Variants in MTUS1 observed in about 807,000 individuals in gnomAD.
The protein encoded by MTUS1 is microtubule associated scaffold protein 1, also known as microtubule-associated tumor suppressor 1.
In MTUS1, 109 loss-of-function variants were observed where a neutral mutation model predicts 120.8. That is an observed-to-expected ratio of 0.90 (90% CI 0.77 to 1.06). The LOEUF (loss-of-function observed/expected upper bound fraction) is 1.06, where lower values mean the gene tolerates loss of function less well. MTUS1 is among the 50% of genes least tolerant of loss of function. The probability of loss-of-function intolerance (pLI) is 0.00; values close to 1 mark genes in which losing one functional copy is unlikely to be tolerated. For synonymous variants in MTUS1, 737 were observed against 550.5 expected (o/e 1.34, Z -4.74); for missense variants, 2,210 against 1,486.3 (o/e 1.49, Z -8.01).
intron 6 of MTUS1, among the ~76,000 whole-genome samples, chr8:17,686,931 TTTAAC>T (rs527916547): frequency 1.5e-4 from 23 of 152,312 alleles, no homozygotes; most frequent in African/African-American, 5.5e-4. Context: ...TAAAATCACT[TTTAAC>T]AGACAGTTAA....
chr8:17,698,497 T>A (rs28701151), intron 6 of MTUS1, among the ~76,000 whole-genome samples: 4 of 152,214 alleles, frequency 2.6e-5, no homozygotes, highest in South Asian at 2.1e-4. Context: ...TTAACATTTT[T>A]AAAAATGTTA....
At chr8:17,716,541 T>C in intron 4 of MTUS1, 1 of 157,306 alleles carries the variant, frequency 6.4e-6, no homozygotes, top group East Asian at 1.8e-4. Flanking sequence ...AGACTGGATT[T>C]TCTACTGTTT....
intron 3 of MTUS1, among the ~76,000 whole-genome samples, chr8:17,731,286 G>A (rs1289004269): frequency 1.3e-5 from 2 of 152,114 alleles, no homozygotes; most frequent in African/African-American, 2.4e-5. Flanking sequence ...CAAACCCGGC[G>A]CCACCTCACA....
At position 17,665,263 on chromosome 8, in the gene MTUS1, C is replaced by G. The variant is rs1472993193; in HGVS notation, c.2906-9198G>C. On this transcript the variant is annotated intron_variant, in intron 8 of 14. Coordinates refer to ENST00000693296, the MANE Select transcript of MTUS1 (RefSeq NM_001363059.2). ...TCCTGGGCATTAAATCAACAAATCA[C>G]TAAGAGCTCATTTCAAAGTCTTCCA... Among the ~76,000 whole-genome samples the G allele has an allele frequency of 3.9e-5, 6 of 152,182 alleles. No homozygotes were observed. In the East Asian group the frequency reaches 1.2e-3, roughly 29 times the overall value.
At chr8:17,769,700 A>G (rs939262251) in intron 1 of MTUS1, among the ~76,000 whole-genome samples, 5 of 152,078 alleles carry the variant, frequency 3.3e-5, no homozygotes, top group African/African-American at 1.2e-4. Flanking sequence ...AGGGCATCCT[A>G]TATTCTTTAA....
chr8:17,696,389 C>T (rs1217505011), intron 6 of MTUS1, among the ~76,000 whole-genome samples: 2 of 152,100 alleles, frequency 1.3e-5, no homozygotes, highest in Admixed American at 1.3e-4. Flanking sequence ...CGAGGGGTCA[C>T]GTGCACATGA....
intron 2 of MTUS1, among the ~76,000 whole-genome samples, chr8:17,751,421 T>A (rs1346827774): frequency 2.0e-5 from 3 of 152,142 alleles, no homozygotes; most frequent in Non-Finnish European, 4.4e-5. Flanking sequence ...CGCAGCAAAT[T>A]CATTCAGCTC....
intron 1 of MTUS1, among the ~76,000 whole-genome samples, chr8:17,782,217 C>T (rs569770053): frequency 5.9e-5 from 9 of 152,234 alleles, no homozygotes; most frequent in African/African-American, 2.2e-4. Flanking sequence ...ATGTGTGTAA[C>T]AGCTTTGGGA....
At chr8:17,676,059 A>C (rs2301541) in intron 7 of MTUS1, 37 of 559,526 alleles carry the variant, frequency 6.6e-5, no homozygotes, top group Middle Eastern at 3.9e-4. Flanking sequence ...TAAAAAAAAA[A>C]TGAAGAATTT....
chr8:17,718,980 G>A (rs911320214), intron 4 of MTUS1, among the ~76,000 whole-genome samples: 2 of 151,960 alleles, frequency 1.3e-5, no homozygotes, highest in African/African-American at 4.8e-5. Flanking sequence ...GACCAGCCTG[G>A]CCAATATGGC....
At chr8:17,679,546 G>A (rs191404648) in intron 7 of MTUS1, among the ~76,000 whole-genome samples, 2 of 151,708 alleles carry the variant, frequency 1.3e-5, no homozygotes, top group African/African-American at 4.8e-5. Context: ...CTGTCACCCA[G>A]GCTGGAGTGC....
At chr8:17,655,282 C>A (rs1807956659) in intron 9 of MTUS1, among the ~76,000 whole-genome samples, 1 of 111,388 alleles carries the variant, frequency 9.0e-6, no homozygotes, top group Non-Finnish European at 2.2e-5. Flanking sequence ...TAAACAGATG[C>A]CACTAAAAAA....
chr8:17,722,311 G>A, intron 4 of MTUS1: 5 of 973,338 alleles, frequency 5.1e-6, no homozygotes, highest in Non-Finnish European at 6.1e-6. Context: ...CACAAATTCT[G>A]TTGCCACAAC....
At chr8:17,779,066 C>G (rs772901384) in intron 1 of MTUS1, among the ~76,000 whole-genome samples, 2 of 152,040 alleles carry the variant, frequency 1.3e-5, no homozygotes, top group African/African-American at 4.8e-5. Context: ...ATTGCTATTA[C>G]GGGATTAGGG....
intron 1 of MTUS1, chr8:17,800,620 T>C (rs2052606263): frequency 6.6e-6 from 1 of 152,174 alleles, no homozygotes; most frequent in Non-Finnish European, 1.5e-5. Flanking sequence ...GAGATTTTTC[T>C]AGAGCGTGAA....
At chr8:17,740,559 G>A (rs1207829417) in intron 3 of MTUS1, among the ~76,000 whole-genome samples, 3 of 152,152 alleles carry the variant, frequency 2.0e-5, no homozygotes, top group East Asian at 1.9e-4. Context: ...TTAACTCTGT[G>A]GCGATTAAGA....
chr8:17,765,824 T>C (rs1447922014), intron 1 of MTUS1, among the ~76,000 whole-genome samples: 1 of 151,958 alleles, frequency 6.6e-6, no homozygotes, highest in Non-Finnish European at 1.5e-5. Flanking sequence ...GTAAAGTCCA[T>C]TACTACATCT....
chr8:17,676,130 T>C (rs1005519731), intron 7 of MTUS1: 23 of 629,056 alleles, frequency 3.7e-5, no homozygotes, highest in African/African-American at 3.4e-4. Flanking sequence ...CACCACATCC[T>C]GATCACAGCG....
chr8:17,679,486 A>ATTTT (rs33953568), intron 7 of MTUS1, among the ~76,000 whole-genome samples: 2 of 149,284 alleles, frequency 1.3e-5, no homozygotes, highest in Admixed American at 1.3e-4. Flanking sequence ...AACTATTTTT[A>ATTTT]TTTTATTTAT....
Sources: allele counts gnomAD v4.1 joint callset (sites outside exome capture counted in the v4.1 genomes callset), GRCh38; gene constraint gnomAD v4.1.1; transcripts MANE v1.5; gene names NCBI Gene and HGNC (gene_info 2026-07-23, HGNC 2026-07-21).